RBFOX1: variants seen among roughly 807,000 people sequenced by gnomAD.
The protein encoded by RBFOX1 is RNA binding protein fox-1 homolog 1.
A neutral mutation model predicts 57.7 loss-of-function variants in RBFOX1; 8 were observed. That is an observed-to-expected ratio of 0.14 (90% CI 0.08 to 0.25). RBFOX1 has a LOEUF of 0.25. RBFOX1 is among the 10% of genes least tolerant of loss of function. The pLI is 1.00. For synonymous variants in RBFOX1, 326 were observed against 222.4 expected (o/e 1.47, Z -4.15); for missense variants, 611 against 548.5 (o/e 1.11, Z -1.14).
intron 14 of RBFOX1, among the ~76,000 whole-genome samples, chr16:7,700,645 T>A (rs536246763): frequency 6.6e-6 from 1 of 152,322 alleles, no homozygotes; most frequent in African/African-American, 2.4e-5. Context: ...AAGAGAAGGA[T>A]GGCCTTGAGC....
At chr16:6,054,202 T>G (rs1003373237) in intron 1 of RBFOX1, among the ~76,000 whole-genome samples, 6 of 152,218 alleles carry the variant, frequency 3.9e-5, no homozygotes, top group Non-Finnish European at 7.3e-5. Context: ...TCATATTTTA[T>G]TTCATCCTGC....
intron 14 of RBFOX1, among the ~76,000 whole-genome samples, chr16:7,690,119 C>T (rs1033644166): frequency 6.6e-6 from 1 of 152,092 alleles, no homozygotes; most frequent in Non-Finnish European, 1.5e-5. Flanking sequence ...TGCTTCTCAG[C>T]TGGGCCACAT....
At chr16:5,745,489 C>G (rs1490029618) in intron 3 of RBFOX1, among the ~76,000 whole-genome samples, 2 of 152,202 alleles carry the variant, frequency 1.3e-5, no homozygotes, top group Admixed American at 6.5e-5. Flanking sequence ...AATGATATTT[C>G]TAGTTCTAGA....
chr16:6,906,215 G>A (rs902845413), intron 3 of RBFOX1, among the ~76,000 whole-genome samples: 1 of 150,338 alleles, frequency 6.7e-6, no homozygotes, highest in African/African-American at 2.5e-5. Flanking sequence ...CCATCCTATG[G>A]GCAACCCCAA....
intron 3 of RBFOX1, among the ~76,000 whole-genome samples, chr16:6,687,192 A>G (rs74576562): frequency 0.011 from 1,631 of 152,330 alleles, 26 homozygotes; most frequent in East Asian, 0.035. Flanking sequence ...AACATCAGGT[A>G]GTAAATACCG....
chr16:7,480,428 A>C (rs977941873), intron 4 of RBFOX1, among the ~76,000 whole-genome samples: 3 of 152,254 alleles, frequency 2.0e-5, no homozygotes, highest in African/African-American at 7.2e-5. Flanking sequence ...TCGTTTCCAC[A>C]AATGAGAAAG....
chr16:6,929,873 A>C (rs1185744819), intron 3 of RBFOX1, among the ~76,000 whole-genome samples: 1 of 152,192 alleles, frequency 6.6e-6, no homozygotes, highest in Non-Finnish European at 1.5e-5. Flanking sequence ...ACATTTAAAA[A>C]ACACTGCTTT....
At chr16:6,648,367 G>A (rs1473201943) in intron 2 of RBFOX1, among the ~76,000 whole-genome samples, 1 of 147,826 alleles carries the variant, frequency 6.8e-6, no homozygotes, top group African/African-American at 2.5e-5. Flanking sequence ...GGCTCCCAGG[G>A]GCATCGTACT....
At chr16:6,528,373 T>C (rs1469811516) in intron 2 of RBFOX1, among the ~76,000 whole-genome samples, 2 of 152,152 alleles carry the variant, frequency 1.3e-5, no homozygotes, top group African/African-American at 4.8e-5. Context: ...CTCCAACACA[T>C]TATAAATATT....
At chr16:7,545,104 G>A (rs1391644953) in intron 5 of RBFOX1, among the ~76,000 whole-genome samples, 1 of 151,782 alleles carries the variant, frequency 6.6e-6, no homozygotes, top group African/African-American at 2.4e-5. Context: ...ATTCGAGGCA[G>A]GAATTATCTT....
At chr16:6,557,737 G>T (rs1278327268) in intron 2 of RBFOX1, among the ~76,000 whole-genome samples, 3 of 152,184 alleles carry the variant, frequency 2.0e-5, no homozygotes, top group Non-Finnish European at 2.9e-5. Context: ...TCCTTCTTCG[G>T]TATAAATTGA....
At chr16:7,147,935 A>G (rs1014307937) in intron 4 of RBFOX1, among the ~76,000 whole-genome samples, 2 of 152,238 alleles carry the variant, frequency 1.3e-5, no homozygotes, top group African/African-American at 4.8e-5. Context: ...ATTCTCACCA[A>G]CAGTGTAAAT....
intron 4 of RBFOX1, among the ~76,000 whole-genome samples, chr16:5,979,606 C>A (rs2060132987): frequency 1.3e-5 from 2 of 152,246 alleles, no homozygotes; most frequent in South Asian, 4.2e-4. Context: ...GCTCACGCCT[C>A]TAATCTCAGC....
rs537604371 is a variant in RBFOX1, at chr16:5,503,475, C to T, written c.258+36221C>T. ...TTTTTGAGACGGAGTCTTGCTCTGT[C>T]GCCCAGGCTGGAGTGCAGTGGCGCA... On this transcript the variant is annotated intron_variant, in intron 2 of 2. Transcript: ENST00000585867. Among the ~76,000 whole-genome samples the T allele has an allele frequency of 5.3e-5, 8 of 152,354 alleles. No homozygotes were observed. The South Asian group carries it at 1.0e-3, about 20-fold the overall frequency.
chr16:6,649,556 A>G (rs913032387), intron 2 of RBFOX1, among the ~76,000 whole-genome samples: 3 of 152,148 alleles, frequency 2.0e-5, no homozygotes, highest in Admixed American at 1.3e-4. Context: ...CCACTGTACC[A>G]TTCTTATGCC....
chr16:7,024,389 C>T (rs534032845), intron 3 of RBFOX1, among the ~76,000 whole-genome samples: 59 of 152,140 alleles, frequency 3.9e-4, no homozygotes, highest in African/African-American at 1.3e-3. Flanking sequence ...AAGCTTGATG[C>T]CTAAAGCAGT....
intron 14 of RBFOX1, among the ~76,000 whole-genome samples, chr16:7,685,933 G>C (rs7193723): frequency 0.95 from 144,805 of 152,066 alleles, 69,369 homozygotes; most frequent in East Asian, 1. Flanking sequence ...AGATTTACAC[G>C]TGGGTCCTGA....
At chr16:7,027,904 G>T (rs2153685849) in intron 3 of RBFOX1, among the ~76,000 whole-genome samples, 1 of 151,524 alleles carries the variant, frequency 6.6e-6, no homozygotes, top group Admixed American at 6.6e-5. Context: ...GAAGAGAAGG[G>T]AGGAAGAAAA....
At chr16:7,127,010 C>CAAA (rs4035897) in intron 4 of RBFOX1, among the ~76,000 whole-genome samples, 15,124 of 128,904 alleles carry the variant, frequency 0.12, 954 homozygotes, top group East Asian at 0.2. Context: ...GAATCCGTCT[C>CAAA]AAAAAAAAAA....
Sources: gnomAD v4.1 joint callset for allele counts (sites outside exome capture counted in the v4.1 genomes callset) on GRCh38, gnomAD v4.1.1 for gene constraint, MANE v1.5 for transcripts, NCBI Gene and HGNC (gene_info 2026-07-23, HGNC 2026-07-21) for gene names.